The following SCN11A variants were observed in gnomAD, a reference collection of about 807,000 sequenced individuals.
SCN11A encodes sodium channel protein type 11 subunit alpha.
Under a neutral mutation model 162.2 loss-of-function variants are expected in SCN11A, and 122 were observed. The observed-to-expected ratio is 0.75, with a 90% CI of 0.65 to 0.87. SCN11A has a LOEUF of 0.87. Among genes scored for constraint, SCN11A ranks in the 40% least tolerant of loss-of-function variants. The pLI is 0.00. For synonymous variants in SCN11A, 758 were observed against 751.5 expected, an observed-to-expected ratio of 1.01 and a Z score of -0.14; for missense variants, 2,015 against 2,181.6, an observed-to-expected ratio of 0.92 and a Z score of 1.52.
chr3:38,995,803 A>ATCTATCTATCTGTCTGTCTGTCTG (rs1553648571), intron 2 of SCN11A, among the ~76,000 whole-genome samples: 53 of 135,252 alleles, frequency 3.9e-4, no homozygotes, highest in African/African-American at 1.6e-3. Flanking sequence ...TAAATTGTCT[A>ATCTATCTATCTGTCTGTCTGTCTG]TCTATCTATC....
chr3:38,929,564 T>C (rs1011585796), intron 7 of SCN11A, among the ~76,000 whole-genome samples: 1 of 152,218 alleles, frequency 6.6e-6, no homozygotes, highest in African/African-American at 2.4e-5. Context: ...GTGTACTTTG[T>C]CACAATTTTA....
intron 17 of SCN11A, among the ~76,000 whole-genome samples, chr3:38,898,342 T>C (rs1440885817): frequency 2.6e-5 from 4 of 152,264 alleles, no homozygotes; most frequent in Admixed American, 2.0e-4. Flanking sequence ...AACATAGCCA[T>C]GCTCACTGGT....
rs1253282587 is a variant in SCN11A, at chr3:38,874,233, T to C, written c.3394-1939A>G. Reference sequence around the variant, plus strand: ...CCTATATCCTTCTAAATATCGATGTTATCCAACTTTAAAATTTTTGCCATG... The same window carrying C: ...CCTATATCCTTCTAAATATCGATGTCATCCAACTTTAAAATTTTTGCCATG... On this transcript the variant is annotated intron_variant, in intron 23 of 29. Transcript: ENST00000302328. Among the ~76,000 whole-genome samples, 3 of 152,222 alleles carry C rather than the reference T, an allele frequency of 2.0e-5. No individual in the cohort carries two copies. In the East Asian group the frequency reaches 5.8e-4, roughly 29 times the overall value.
intron 21 of SCN11A, among the ~76,000 whole-genome samples, chr3:38,884,801 C>A (rs955895829): frequency 6.6e-6 from 1 of 152,226 alleles, no homozygotes; most frequent in Non-Finnish European, 1.5e-5. Flanking sequence ...GCTTTGGATA[C>A]TATTATTACC....
chr3:38,907,310 ATGTG>A (rs141158768), intron 14 of SCN11A, among the ~76,000 whole-genome samples: 1,554 of 118,934 alleles, frequency 0.013, 18 homozygotes, highest in African/African-American at 0.042. Context: ...ACCAACATAT[ATGTG>A]TGTGTGTGTG....
At chr3:39,044,691 A>G (rs1340585445) in intron 1 of SCN11A, among the ~76,000 whole-genome samples, 2 of 152,190 alleles carry the variant, frequency 1.3e-5, no homozygotes, top group African/African-American at 2.4e-5. Context: ...AGGAATGTTT[A>G]TAACAATAAA....
At chr3:39,015,291 C>T (rs1174380430) in intron 2 of SCN11A, among the ~76,000 whole-genome samples, 1 of 152,166 alleles carries the variant, frequency 6.6e-6, no homozygotes, top group Non-Finnish European at 1.5e-5. Flanking sequence ...TGATCTTGGA[C>T]TTTTCAGCCT....
intron 7 of SCN11A, among the ~76,000 whole-genome samples, chr3:38,933,874 C>T (rs1400487070): frequency 1.4e-4 from 21 of 152,192 alleles, no homozygotes; most frequent in African/African-American, 3.1e-4. Flanking sequence ...ATACAGAGAA[C>T]GCCACAAAGA....
At chr3:38,920,964 C>T in intron 10 of SCN11A, 112 bp downstream of exon 10, 1 of 984,458 alleles carries the variant, frequency 1.0e-6, no homozygotes. Flanking sequence ...GGATGAAGTC[C>T]TCCCTTGCTG....
intron 2 of SCN11A, among the ~76,000 whole-genome samples, chr3:38,980,735 T>G (rs139475008): frequency 1.3e-5 from 2 of 152,216 alleles, no homozygotes; most frequent in Non-Finnish European, 2.9e-5. Flanking sequence ...ATCCAGAATT[T>G]TGTCCCCACC....
chr3:38,846,984 C>T lies in SCN11A; in HGVS notation c.5086G>A (p.Gly1696Ser), dbSNP rs376206288. 2.2e-5 allele frequency: 35 copies of T among 1,613,988 alleles called. No individual in the cohort carries two copies. The African/African-American group carries it at 3.5e-4, about 16-fold the overall frequency. ...TTCATACTATCTAGGCCATCAGAGC[C>T]ACCGAGTACCCTAGCGGTGAAGGCG... ...LFAFTARVLG[G>S]SDGLDSMKAM... The change falls in exon 30 of 30, where the codon GGC (glycine) becomes AGC (serine). Residue 1696 changes from glycine to serine, a missense_variant. Gly to Ser is a moderately conservative substitution (Grantham distance 56). Transcript: ENST00000302328.
intron 7 of SCN11A, among the ~76,000 whole-genome samples, chr3:38,935,933 C>A (rs1234115756): frequency 1.3e-5 from 2 of 152,168 alleles, no homozygotes; most frequent in East Asian, 1.9e-4. Flanking sequence ...GAATTTTAGA[C>A]CAATATCTTT....
intron 2 of SCN11A, among the ~76,000 whole-genome samples, chr3:38,991,810 T>G (rs911106382): frequency 8.5e-5 from 13 of 152,170 alleles, no homozygotes; most frequent in African/African-American, 3.1e-4. Flanking sequence ...TTATTTATTT[T>G]ATTGTATTTT....
At chr3:38,953,594 A>C (rs1378900149) in intron 4 of SCN11A, among the ~76,000 whole-genome samples, 35 bp downstream of exon 4, 1 of 152,150 alleles carries the variant, frequency 6.6e-6, no homozygotes, top group Non-Finnish European at 1.5e-5. Flanking sequence ...ACATGAGATT[A>C]ATGGGAAGAG....
chr3:39,039,490 T>G (rs542143762), intron 1 of SCN11A, among the ~76,000 whole-genome samples: 1 of 151,970 alleles, frequency 6.6e-6, no homozygotes, highest in Admixed American at 6.5e-5. Context: ...GCCCTATGTC[T>G]CCAATATCCC....
intron 28 of SCN11A, among the ~76,000 whole-genome samples, chr3:38,858,003 A>G (rs2064898368): frequency 6.6e-6 from 1 of 152,174 alleles, no homozygotes; most frequent in Non-Finnish European, 1.5e-5. Flanking sequence ...AGGAGTTCTA[A>G]ATTATGAAAC....
At chr3:38,927,228 C>T (rs1192900462) in intron 7 of SCN11A, among the ~76,000 whole-genome samples, 5 of 152,158 alleles carry the variant, frequency 3.3e-5, no homozygotes, top group Non-Finnish European at 7.3e-5. Flanking sequence ...GGAGGTTGTA[C>T]TTTGTCACCA....
intron 7 of SCN11A, among the ~76,000 whole-genome samples, chr3:38,941,334 A>G (rs1352065459): frequency 6.6e-6 from 1 of 152,166 alleles, no homozygotes; most frequent in Non-Finnish European, 1.5e-5. Flanking sequence ...AGTATGAAAT[A>G]AAGACATTTT....
intron 1 of SCN11A, among the ~76,000 whole-genome samples, chr3:39,034,229 C>T (rs13087954): frequency 0.14 from 21,489 of 152,050 alleles, 1,756 homozygotes; most frequent in African/African-American, 0.22. Context: ...TAGAATTCAT[C>T]AGCACATTAA....
Sources: gnomAD v4.1 joint callset for allele counts (sites outside exome capture counted in the v4.1 genomes callset) on GRCh38, gnomAD v4.1.1 for gene constraint, MANE v1.5 for transcripts, NCBI Gene and HGNC (gene_info 2026-07-23, HGNC 2026-07-21) for gene names.